The following RYR2 variants were observed in gnomAD, a reference collection of about 807,000 sequenced individuals.
RYR2 encodes cardiac muscle ryanodine receptor-calcium release channel.
A neutral mutation model predicts 601.1 loss-of-function variants in RYR2; 227 were observed. The ratio of observed to expected loss-of-function variants is 0.38; its 90% CI spans 0.34 to 0.42. The LOEUF is 0.42. Ranked by LOEUF, RYR2 falls within the 10% of genes least tolerant of loss-of-function variation. The pLI is 1.00. For synonymous variants in RYR2, 2,223 were observed against 2,175.1 expected, an observed-to-expected ratio of 1.02 and a Z score of -0.61; for missense variants, 4,646 against 6,156.5, an observed-to-expected ratio of 0.75 and a Z score of 8.21.
intron 25 of RYR2, 28 bp from the exon 26 acceptor site, chr1:237,548,403 C>A (rs1423397763): frequency 6.2e-7 from 1 of 1,609,020 alleles, no homozygotes; most frequent in South Asian, 1.1e-5. Context: ...GCCAATTATA[C>A]ACAAATTTCT....
At chr1:237,645,283 C>T (rs1682007421) in intron 48 of RYR2, among the ~76,000 whole-genome samples, 1 of 152,140 alleles carries the variant, frequency 6.6e-6, no homozygotes, top group African/African-American at 2.4e-5. Flanking sequence ...AATTGAACGC[C>T]CATTATAGCT....
At chr1:237,626,487 T>C (rs1679661084) in intron 40 of RYR2, among the ~76,000 whole-genome samples, 1 of 151,888 alleles carries the variant, frequency 6.6e-6, no homozygotes, top group African/African-American at 2.4e-5. Flanking sequence ...TACTTCTAAA[T>C]TTATTTTTCA....
chr1:237,510,758 C>T (rs892314372), intron 23 of RYR2, among the ~76,000 whole-genome samples: 7 of 152,148 alleles, frequency 4.6e-5, no homozygotes, highest in African/African-American at 7.2e-5. Flanking sequence ...AATGCCGATG[C>T]GATTTAGGTC....
chr1:237,183,394 G>A (rs1398411400), intron 1 of RYR2, among the ~76,000 whole-genome samples: 1 of 152,144 alleles, frequency 6.6e-6, no homozygotes, highest in Non-Finnish European at 1.5e-5. Context: ...GTATAAAGAA[G>A]GCAGTGGCTG....
At position 237,419,840 on chromosome 1, in the gene RYR2, A is replaced by AT. The variant is rs143580444; in HGVS notation, c.848+2724dup. On this transcript the variant is annotated intron_variant, in intron 11 of 104. Coordinates refer to ENST00000366574, the MANE Select transcript of RYR2 (RefSeq NM_001035.3). ...AGCTACATTCAGTTTAGGAGCTTTTATTTTTTTAATTAAATCCCTTTCATT... is the reference window on the plus strand; with the variant it reads ...AGCTACATTCAGTTTAGGAGCTTTTATTTTTTTTAATTAAATCCCTTTCATT... Among the ~76,000 whole-genome samples, 1,300 of 152,176 alleles carry AT rather than the reference A, an allele frequency of 8.5e-3. 26 individuals are homozygous for AT. Among genetic ancestry groups the AT allele is most frequent in the African/African-American group, 0.03 (1,248 of 41,528 alleles).
intron 84 of RYR2, among the ~76,000 whole-genome samples, chr1:237,765,754 G>A (rs1693800180): frequency 6.6e-6 from 1 of 152,096 alleles, no homozygotes; most frequent in Non-Finnish European, 1.5e-5. Context: ...TGTGATGTTG[G>A]TTCGTGGCAC....
intron 1 of RYR2, among the ~76,000 whole-genome samples, chr1:237,212,205 T>C (rs1182875946): frequency 6.6e-6 from 1 of 152,128 alleles, no homozygotes; most frequent in Admixed American, 6.6e-5. Flanking sequence ...CTAGACATAA[T>C]TACCCCCATG....
chr1:237,545,845 A>C (rs1023222388), intron 25 of RYR2, among the ~76,000 whole-genome samples: 4 of 151,894 alleles, frequency 2.6e-5, no homozygotes, highest in African/African-American at 9.7e-5. Context: ...GGACTGCTTG[A>C]GGCCAGGGGT....
At chr1:237,311,959 A>G (rs1023636236) in intron 2 of RYR2, among the ~76,000 whole-genome samples, 1 of 152,208 alleles carries the variant, frequency 6.6e-6, no homozygotes, top group African/African-American at 2.4e-5. Context: ...AAACATGTGG[A>G]CAACATTGCT....
At chr1:237,611,917 C>T (rs1475714254) in intron 36 of RYR2, among the ~76,000 whole-genome samples, 1 of 152,090 alleles carries the variant, frequency 6.6e-6, no homozygotes, top group Non-Finnish European at 1.5e-5. Context: ...AGCAATTCTA[C>T]TCCTCGTATA....
chr1:237,056,196 T>A, intron 1 of RYR2, among the ~76,000 whole-genome samples: 1 of 143,032 alleles, frequency 7.0e-6, no homozygotes, highest in African/African-American at 2.6e-5. Context: ...ACTGCACCTG[T>A]GAGGACTGGA....
chr1:237,429,329 C>A (rs1706541967), intron 12 of RYR2, among the ~76,000 whole-genome samples: 1 of 152,082 alleles, frequency 6.6e-6, no homozygotes, highest in Admixed American at 6.6e-5. Flanking sequence ...ACAGAAGAAT[C>A]GGTGGACACA....
At chr1:237,742,257 A>C in intron 79 of RYR2, 39 bp from the exon 80 acceptor site, 1 of 1,359,764 alleles carries the variant, frequency 7.4e-7, no homozygotes, top group Non-Finnish European at 1.0e-6. Flanking sequence ...AAATCTCAAC[A>C]TATTCCTGTC....
chr1:237,323,077 C>A (rs1206174647), intron 2 of RYR2, among the ~76,000 whole-genome samples: 1 of 152,062 alleles, frequency 6.6e-6, no homozygotes, highest in African/African-American at 2.4e-5. Flanking sequence ...ATTTCTCAAC[C>A]TAGAGCTCCA....
At chr1:237,383,716 A>G (rs1158480995) in intron 8 of RYR2, among the ~76,000 whole-genome samples, 1 of 151,992 alleles carries the variant, frequency 6.6e-6, no homozygotes, top group Non-Finnish European at 1.5e-5. Flanking sequence ...GGCGTGAGCC[A>G]CCGCGCCTGG....
At chr1:237,192,297 C>T (rs1007262911) in intron 1 of RYR2, among the ~76,000 whole-genome samples, 1 of 152,206 alleles carries the variant, frequency 6.6e-6, no homozygotes, top group Non-Finnish European at 1.5e-5. Flanking sequence ...CAACCTCCGC[C>T]TCCTGGGTTC....
chr1:237,582,629 T>C (rs1247901423), intron 29 of RYR2, among the ~76,000 whole-genome samples: 2 of 152,222 alleles, frequency 1.3e-5, no homozygotes, highest in Admixed American at 6.5e-5. Context: ...TTTATGTCCA[T>C]GAGTACCCAG....
At chr1:237,793,140 T>C (rs910866734) in intron 94 of RYR2, among the ~76,000 whole-genome samples, 1 of 152,188 alleles carries the variant, frequency 6.6e-6, no homozygotes, top group African/African-American at 2.4e-5. Context: ...TGGTTATAAA[T>C]CTTGCAGAAG....
At chr1:237,138,272 A>T (rs1264364330) in intron 1 of RYR2, among the ~76,000 whole-genome samples, 1 of 152,124 alleles carries the variant, frequency 6.6e-6, no homozygotes, top group Non-Finnish European at 1.5e-5. Context: ...AGCTCAGGTG[A>T]TCCACCCACC....
Sources: allele counts gnomAD v4.1 joint callset (sites outside exome capture counted in the v4.1 genomes callset), GRCh38; gene constraint gnomAD v4.1.1; transcripts MANE v1.5; gene names NCBI Gene and HGNC (gene_info 2026-07-23, HGNC 2026-07-21).